The following DYSF variants were observed in gnomAD, a reference collection of about 807,000 sequenced individuals.
DYSF encodes dystrophy-associated fer-1-like 1.
Under a neutral mutation model 274.9 loss-of-function variants are expected in DYSF, and 212 were observed. The ratio of observed to expected loss-of-function variants is 0.77; its 90% confidence interval spans 0.69 to 0.86. The LOEUF is 0.86. Among genes scored for constraint, DYSF ranks in the 40% least tolerant of loss-of-function variants. The pLI is 0.00. For synonymous variants in DYSF, 1,091 were observed against 1,078.7 expected (o/e 1.01, Z -0.22); for missense variants, 2,666 against 2,783.2 (o/e 0.96, Z 0.95).
At chr2:71,591,236 C>T (rs2093255338) in intron 32 of DYSF, among the ~76,000 whole-genome samples, 1 of 152,248 alleles carries the variant, frequency 6.6e-6, no homozygotes, top group South Asian at 2.1e-4. Context: ...AGTTATCCTT[C>T]AAGACCCAGC....
chr2:71,590,411 G>T (rs1357362058), intron 32 of DYSF, 123 bp downstream of exon 32: 22 of 1,033,232 alleles, frequency 2.1e-5, no homozygotes, highest in Non-Finnish European at 3.0e-5. Context: ...GCTGTCACCA[G>T]GGTCCTGTGG....
At position 71,660,744 on chromosome 2, in the gene DYSF, G is replaced by A. The variant is rs77723217; in HGVS notation, c.5003+93G>A. ...AGATGTGACTGGCACTGTGAAGTCC[G>A]TATCTCTTGGAGCAAAACTGTATTC... On this transcript the variant is annotated intron_variant, in intron 45 of 55. Coordinates refer to ENST00000410020, the MANE Select transcript of DYSF (RefSeq NM_001130987.2). The A allele has an allele frequency of 6.6e-4, 723 of 1,093,010 alleles. 6 individuals are homozygous for A. In the African/African-American group the frequency reaches 9.6e-3, roughly 14 times the overall value. The allele number at this position is 1,093,010 out of a possible 1,614,324, so 67.7% of individuals were successfully genotyped here. A position where few individuals can be genotyped will look rare whatever the true frequency, so the allele number is the denominator to read the frequency against.
chr2:71,538,931 G>A (rs1272106108), intron 16 of DYSF, among the ~76,000 whole-genome samples: 1 of 152,182 alleles, frequency 6.6e-6, no homozygotes, highest in Admixed American at 6.5e-5. Flanking sequence ...GGTGGTTGGC[G>A]AGATGAACTA....
intron 23 of DYSF, among the ~76,000 whole-genome samples, chr2:71,563,011 G>A (rs940371929): frequency 6.6e-6 from 1 of 152,208 alleles, no homozygotes; most frequent in Non-Finnish European, 1.5e-5. Context: ...TCTCAAACTT[G>A]CATGTGCATC....
chr2:71,544,232 T>C (rs2090273428), intron 17 of DYSF, among the ~76,000 whole-genome samples: 1 of 152,172 alleles, frequency 6.6e-6, no homozygotes, highest in Non-Finnish European at 1.5e-5. Flanking sequence ...CCACAAGATC[T>C]GTTCAGTGTT....
intron 36 of DYSF, among the ~76,000 whole-genome samples, chr2:71,609,593 A>T (rs2093710108): frequency 6.6e-6 from 1 of 152,206 alleles, no homozygotes; most frequent in South Asian, 2.1e-4. Flanking sequence ...CTTATCTCAG[A>T]TCTTCATCTG....
rs1446553682 is a variant in DYSF at position 71,600,837 on chromosome 2, GAGA to G, written c.3895_3897del (p.Lys1299del). 1.2e-6 allele frequency: 2 copies of G among 1,610,986 alleles called. No homozygotes were observed. Among genetic ancestry groups the G allele is most frequent in the Admixed American group, 3.3e-5 (2 of 60,022 alleles). On this transcript the variant is annotated inframe_deletion and splice_region_variant, in exon 34 of 56. Transcript: ENST00000410020. ...GGCCTCTTTTGAGCTCATCCAGAGAGAGAAGGTGAGGCTGGTCTATATCCAGAT... is the reference window on the plus strand; with the variant it reads ...GGCCTCTTTTGAGCTCATCCAGAGAGAGGTGAGGCTGGTCTATATCCAGAT...
chr2:71,627,891 A>T (rs1009554165), intron 41 of DYSF, among the ~76,000 whole-genome samples: 1 of 152,120 alleles, frequency 6.6e-6, no homozygotes, highest in Non-Finnish European at 1.5e-5. Context: ...TCATGTTAAT[A>T]TAGCTACCCC....
At chr2:71,577,682 T>C (rs2092756945) in intron 30 of DYSF, among the ~76,000 whole-genome samples, 1 of 151,654 alleles carries the variant, frequency 6.6e-6, no homozygotes, top group Non-Finnish European at 1.5e-5. Context: ...ACACACACTC[T>C]TTCACACTCA....
chr2:71,574,116 C>G, intron 29 of DYSF, 82 bp from the exon 30 acceptor site: 1 of 1,550,622 alleles, frequency 6.4e-7, no homozygotes, highest in Non-Finnish European at 8.8e-7. Context: ...TCATGGAAGA[C>G]AGGAAGGCAA....
chr2:71,474,975 C>T (rs545570056), intron 1 of DYSF, among the ~76,000 whole-genome samples: 28 of 152,226 alleles, frequency 1.8e-4, no homozygotes, highest in African/African-American at 6.7e-4. Context: ...CATCTCAGGC[C>T]CCCTCAGAAC....
At chr2:71,478,023 T>C (rs926657602) in intron 1 of DYSF, among the ~76,000 whole-genome samples, 2 of 151,386 alleles carry the variant, frequency 1.3e-5, no homozygotes, top group South Asian at 2.1e-4. Flanking sequence ...GTGTCACTTT[T>C]CCTTTTTTGG....
chr2:71,556,556 T>G (rs930004871), intron 22 of DYSF, among the ~76,000 whole-genome samples: 2 of 152,202 alleles, frequency 1.3e-5, no homozygotes, highest in African/African-American at 4.8e-5. Flanking sequence ...CCATGTGGTT[T>G]TGGGGAGCCA....
intron 3 of DYSF, among the ~76,000 whole-genome samples, chr2:71,487,683 G>A (rs10183676): frequency 0.83 from 125,759 of 152,096 alleles, 52,279 homozygotes; most frequent in African/African-American, 0.89. Context: ...TAGTTTTTGT[G>A]TTTTTAGTAG....
At chr2:71,519,092 C>CA (rs70959240) in intron 10 of DYSF, among the ~76,000 whole-genome samples, 1,615 of 59,690 alleles carry the variant, frequency 0.027, 216 homozygotes, top group African/African-American at 0.068. Flanking sequence ...CACTCCATCT[C>CA]AAAAAAAAAA....
At chr2:71,588,105 T>C (rs1417612334) in intron 30 of DYSF, among the ~76,000 whole-genome samples, 2 of 152,136 alleles carry the variant, frequency 1.3e-5, no homozygotes, top group Non-Finnish European at 2.9e-5. Flanking sequence ...AAGCTTGCTA[T>C]GGGAGTGAGT....
At chr2:71,548,653 A>T (rs1243996249) in intron 17 of DYSF, among the ~76,000 whole-genome samples, 1 of 152,170 alleles carries the variant, frequency 6.6e-6, no homozygotes, top group Non-Finnish European at 1.5e-5. Flanking sequence ...ATTTCTAGAC[A>T]TTCCTTACCA....
intron 1 of DYSF, among the ~76,000 whole-genome samples, chr2:71,457,565 CA>C (rs1441349324): frequency 6.6e-6 from 1 of 152,230 alleles, no homozygotes; most frequent in Non-Finnish European, 1.5e-5. Flanking sequence ...TGACTCCTCT[CA>C]TCACGTGCGT....
chr2:71,539,286 C>A lies in DYSF; in HGVS notation c.1576+47C>A, dbSNP rs144821807. 2.0e-6 allele frequency: 3 copies of A among 1,517,782 alleles called. No homozygotes were observed. In the South Asian group the frequency reaches 3.4e-5, roughly 17 times the overall value. The allele number at this position is 1,517,782 out of a possible 1,614,324, so 94.0% of individuals were successfully genotyped here. A position where few individuals can be genotyped will look rare whatever the true frequency, so the allele number is the denominator to read the frequency against. ...CCCTTTGACCCCCTGTGCTCTCCCC[C>A]GTACCCCCTCTATCCAGCTTACACT... On this transcript the variant is annotated intron_variant, in intron 17 of 55. Coordinates refer to ENST00000410020, the MANE Select transcript of DYSF (RefSeq NM_001130987.2).
Sources: gnomAD v4.1 joint callset for allele counts (sites outside exome capture counted in the v4.1 genomes callset) on GRCh38, gnomAD v4.1.1 for gene constraint, MANE v1.5 for transcripts, NCBI Gene and HGNC (gene_info 2026-07-23, HGNC 2026-07-21) for gene names.